Variants in NECTIN2 observed in about 807,000 individuals in gnomAD.
The protein encoded by NECTIN2 is nectin cell adhesion molecule 2.
A neutral mutation model predicts 56.9 loss-of-function variants in NECTIN2; 23 were observed. The ratio of observed to expected loss-of-function variants is 0.40; its 90% confidence interval spans 0.29 to 0.57. NECTIN2 has a LOEUF of 0.57. Ranked by LOEUF, NECTIN2 falls within the 20% of genes least tolerant of loss-of-function variation. The probability of loss-of-function intolerance (pLI) is 0.38; values close to 1 mark genes in which losing one functional copy is unlikely to be tolerated. For synonymous variants in NECTIN2, 302 were observed against 313.8 expected (o/e 0.96, Z 0.40); for missense variants, 587 against 718.3 (o/e 0.82, Z 2.09).
In NECTIN2 at chr19:44,885,979, G is replaced by C. The variant is rs201814159; in HGVS notation, c.1239G>C (p.Ala413=). 6.2e-7 allele frequency: 1 copy of C among 1,603,960 alleles called. No individual in the cohort carries two copies. The highest frequency in any genetic ancestry group is 1.7e-5 in the Admixed American group (1 of 60,008). The change falls in exon 7 of 9, where the codon GCG becomes GCC. Residue 413 remains alanine, a synonymous_variant. Transcript: ENST00000252483. Reference sequence around the variant, plus strand: ...CCTACAAGCCACCGACCCCAAAAGCGAAGCTGGAGGCACAGGAGATGGTGA... The same window carrying C: ...CCTACAAGCCACCGACCCCAAAAGCCAAGCTGGAGGCACAGGAGATGGTGA... ...PPSYKPPTPK[A]KLEAQEMPSQ... is the part of the protein sequence containing the mutation.
rs980389291 is a variant in NECTIN2 at position 44,872,075 on chromosome 19, T to C, written c.701T>C (p.Val234Ala). 1 of 1,614,020 alleles carries C rather than the reference T, an allele frequency of 6.2e-7. No homozygotes were observed. Among genetic ancestry groups the C allele is most frequent in the African/African-American group, 1.3e-5 (1 of 74,904 alleles). Reference protein sequence around the residue: ...TLVPSGRADGVTVTCKVEHES... With the variant: ...TLVPSGRADGATVTCKVEHES... ...GTGCCCTCGGGCCGAGCAGATGGTG[T>C]CACGGTCACCTGCAAAGTGGAGCAT... The change falls in exon 3 of 9, where the codon GTC becomes GCC. Residue 234 changes from valine to alanine, a missense_variant. Physicochemically the swap from Val to Ala is moderately conservative, Grantham distance 64 (BLOSUM62 0). Transcript: ENST00000252483.
intron 2 of NECTIN2, among the ~76,000 whole-genome samples, chr19:44,870,249 TG>T (rs1325656977): frequency 6.6e-6 from 1 of 151,028 alleles, no homozygotes; most frequent in Non-Finnish European, 1.5e-5. Flanking sequence ...CCAGGGGAGG[TG>T]GCCATGGGGA....
Position 44,874,324 on chromosome 19 carries a change from C to T in NECTIN2, c.894-6C>T. The stretch of plus-strand genomic sequence containing the variant: ...ATCCCTCTCACCTGACCCCACACCC[C>T]TCCAGGACCTCAGGCACCTTCCCGA... On this transcript the variant is annotated splice_polypyrimidine_tract_variant and splice_region_variant and intron_variant, in intron 4 of 8. Coordinates refer to ENST00000252483, the MANE Select transcript of NECTIN2 (RefSeq NM_001042724.2). This position sits in a 1 kb window ranked among gnomAD's most constrained non-coding sequence, Gnocchi z 6.3. 6.2e-7 allele frequency: 1 copy of T among 1,613,956 alleles called. No individual in the cohort carries two copies. The highest frequency in any genetic ancestry group is 8.5e-7 in the Non-Finnish European group (1 of 1,179,818).
At position 44,889,153 on chromosome 19, in the gene NECTIN2, C is replaced by G. The variant is rs1060225; in HGVS notation, c.*774C>G. ...CCCCCTTCCGGGGAAAGTGGGTCATCTGAATTGGGGGTAGCAATTGATACT... is the reference window on the plus strand; with the variant it reads ...CCCCCTTCCGGGGAAAGTGGGTCATGTGAATTGGGGGTAGCAATTGATACT... On this transcript the variant is annotated 3_prime_UTR_variant, in exon 9 of 9. Transcript: ENST00000252483. 8 of 152,290 alleles carry G rather than the reference C, an allele frequency of 5.3e-5. No individual in the cohort carries two copies. Among genetic ancestry groups the G allele is most frequent in the African/African-American group, 1.9e-4 (8 of 41,466 alleles). The allele number at this position is 152,290 out of a possible 1,614,324, so 9.4% of individuals were successfully genotyped here. A position where few individuals can be genotyped will look rare whatever the true frequency, so the allele number is the denominator to read the frequency against.
chr19:44,885,065 C>T (rs945911598), intron 6 of NECTIN2, among the ~76,000 whole-genome samples: 4 of 151,620 alleles, frequency 2.6e-5, no homozygotes, highest in African/African-American at 9.7e-5. Context: ...GGCGCGATCT[C>T]GGCTCACCAC....
At chr19:44,887,976 A>T in intron 8 of NECTIN2, 134 bp from the exon 9 acceptor site, 1 of 931,608 alleles carries the variant, frequency 1.1e-6, no homozygotes, top group Non-Finnish European at 1.6e-6. Flanking sequence ...ATATGGCCTC[A>T]GGGGACAAGG....
intron 5 of NECTIN2, among the ~76,000 whole-genome samples, chr19:44,876,248 C>G (rs1969235517): frequency 6.6e-6 from 1 of 152,074 alleles, no homozygotes; most frequent in Non-Finnish European, 1.5e-5. Context: ...AGGGGAGGGT[C>G]AGCTCCACCC....
intron 5 of NECTIN2, among the ~76,000 whole-genome samples, chr19:44,879,149 C>T (rs893868383): frequency 6.6e-6 from 1 of 152,040 alleles, no homozygotes; most frequent in Non-Finnish European, 1.5e-5. Context: ...CCGCAAGGCT[C>T]GTGCAACTAG....
chr19:44,849,995 T>C (rs949870561), intron 1 of NECTIN2, among the ~76,000 whole-genome samples: 10 of 152,054 alleles, frequency 6.6e-5, no homozygotes, highest in African/African-American at 2.2e-4. Flanking sequence ...AGACAGAGAA[T>C]ATAAGAGGCA....
At chr19:44,878,862 C>T (rs1434159907) in intron 5 of NECTIN2, 2 of 1,302,728 alleles carry the variant, frequency 1.5e-6, no homozygotes, top group Non-Finnish European at 1.9e-6. Context: ...CCCCCGCCCC[C>T]AGAGACTTGG....
chr19:44,882,108 G>A (rs1969314032), intron 5 of NECTIN2, 103 bp from the exon 6 acceptor site: 1 of 1,070,836 alleles, frequency 9.3e-7, no homozygotes, highest in Non-Finnish European at 1.2e-6. Flanking sequence ...CCATGGGAGA[G>A]GACATAGACA....
In NECTIN2 at chr19:44,871,941, C is replaced by T. The variant is rs1969179399; in HGVS notation, c.567C>T (p.Arg189=). ...CCCTCTGCATCTCCAAAGAGGGCCG[C>T]CCACCTGCCCGGATCTCCTGGCTCT... ...TVALCISKEG[R]PPARISWLSS... The change falls in exon 3 of 9, where the codon CGC becomes CGT. Residue 189 remains arginine (R), a synonymous_variant. Coordinates refer to ENST00000252483, the MANE Select transcript of NECTIN2 (RefSeq NM_001042724.2). 6.2e-7 allele frequency: 1 copy of T among 1,614,152 alleles called. No individual in the cohort carries two copies. The highest frequency in any genetic ancestry group is 8.5e-7 in the Non-Finnish European group (1 of 1,180,038).
rs387976 is a variant in NECTIN2 at position 44,875,803 on chromosome 19, A to C, written c.1042+1325A>C. On this transcript the variant is annotated intron_variant, in intron 5 of 8. Transcript: ENST00000252483. This position sits in a 1 kb window ranked among gnomAD's most constrained non-coding sequence, Gnocchi z 4.2. ...CAGGGACACCCGAGGGAAAACAGAC[A>C]CCTCTTCAGGAATCCAGATACAGCC... 0.37 allele frequency among the ~76,000 whole-genome samples: 56,404 copies of C among 151,822 alleles called. 11,090 individuals carry two copies. Among genetic ancestry groups the C allele is most frequent in the East Asian group, 0.69 (3,573 of 5,154 alleles).
chr19:44,852,506 G>A (rs1242689378), intron 1 of NECTIN2, among the ~76,000 whole-genome samples: 1 of 144,028 alleles, frequency 6.9e-6, no homozygotes, highest in Non-Finnish European at 1.5e-5. Context: ...AGGAGCCCGA[G>A]ACAGAGCAAG....
rs1470241695 is a variant in NECTIN2 at position 44,856,616 on chromosome 19, C to CT, written c.89-8654dup. On this transcript the variant is annotated intron_variant, in intron 1 of 8. Transcript: ENST00000252483. ...TGAGTGGCCTTCCCCCCTTGCCTAGCTAGGAAGGGGCCAGAGCGCTTAACC... is the reference window on the plus strand; with the variant it reads ...TGAGTGGCCTTCCCCCCTTGCCTAGCTTAGGAAGGGGCCAGAGCGCTTAACC... Among the ~76,000 whole-genome samples, 3 of 152,138 alleles carry CT rather than the reference C, an allele frequency of 2.0e-5. No individual in the cohort carries two copies. In the East Asian group the frequency reaches 5.8e-4, roughly 29 times the overall value.
intron 2 of NECTIN2, 140 bp from the exon 3 acceptor site, chr19:44,871,713 C>A: frequency 1.0e-6 from 1 of 961,094 alleles, no homozygotes; most frequent in African/African-American, 1.7e-5. Context: ...AACCACTTAT[C>A]CCAAGCCAGG....
chr19:44,878,958 C>T, intron 5 of NECTIN2: 1 of 1,060,514 alleles, frequency 9.4e-7, no homozygotes, highest in Non-Finnish European at 1.1e-6. Context: ...TCTTGTAATA[C>T]ATCAGACCCC....
chr19:44,864,863 A>T (rs1969078678), intron 1 of NECTIN2, among the ~76,000 whole-genome samples: 1 of 151,848 alleles, frequency 6.6e-6, no homozygotes, highest in Admixed American at 6.6e-5. Context: ...AGCCTCCCTC[A>T]CCTTCTCCAC....
chr19:44,874,716 G>A lies in NECTIN2; in HGVS notation c.1042+238G>A, dbSNP rs967370184. The A allele has an allele frequency of 9.5e-6, 5 of 524,476 alleles. No individual in the cohort carries two copies. Among genetic ancestry groups the A allele is most frequent in the Non-Finnish European group, 1.7e-5 (5 of 290,904 alleles). The allele number at this position is 524,476 out of a possible 1,614,324, so 32.5% of individuals were successfully genotyped here. On this transcript the variant is annotated intron_variant, in intron 5 of 8. Coordinates refer to ENST00000252483, the MANE Select transcript of NECTIN2 (RefSeq NM_001042724.2). This position sits in a 1 kb window ranked among gnomAD's most constrained non-coding sequence, Gnocchi z 6.3. ...AGTTGGGGGGTTGAGGACTTTGCTC[G>A]GGGTTCCTAGAAAGTAGAGGCCTGG... is the stretch of plus-strand genomic sequence containing the variant.
Sources: allele counts gnomAD v4.1 joint callset (sites outside exome capture counted in the v4.1 genomes callset), GRCh38; gene constraint gnomAD v4.1.1; non-coding constraint Gnocchi (gnomAD v3.1); transcripts MANE v1.5; gene names NCBI Gene and HGNC (gene_info 2026-07-23, HGNC 2026-07-21).